NREP: variants seen among roughly 807,000 people sequenced by gnomAD.
The protein encoded by NREP is neuronal regeneration-related protein.
In NREP, 5 loss-of-function variants were observed where a neutral mutation model predicts 8.6. The observed-to-expected ratio is 0.58, with a 90% CI of 0.30 to 1.22. The LOEUF (loss-of-function observed/expected upper bound fraction) is 1.22. NREP is among the 50% of genes most tolerant of loss of function. The probability of loss-of-function intolerance (pLI) is 0.07; values close to 1 mark genes in which losing one functional copy is unlikely to be tolerated. For missense variants in NREP, 86 were observed against 82.5 expected (o/e 1.04, Z -0.17); for synonymous variants, 27 against 28.0 (o/e 0.96, Z 0.11).
intron 2 of NREP, among the ~76,000 whole-genome samples, chr5:111,970,448 T>C (rs1426813876): frequency 6.6e-6 from 1 of 152,178 alleles, no homozygotes; most frequent in Admixed American, 6.5e-5. Flanking sequence ...CTCAAGCTCC[T>C]AAGGACTTCC....
At chr5:111,911,498 C>T (rs912415219) in intron 2 of NREP, among the ~76,000 whole-genome samples, 1 of 151,972 alleles carries the variant, frequency 6.6e-6, no homozygotes, top group Non-Finnish European at 1.5e-5. Context: ...ATTGAGTAAG[C>T]ACATACTAAG....
chr5:111,872,831 G>C (rs1753820210), intron 2 of NREP, among the ~76,000 whole-genome samples: 1 of 152,130 alleles, frequency 6.6e-6, no homozygotes. Flanking sequence ...GAAGTAGTTA[G>C]CCCTAACACT....
chr5:111,903,112 C>A (rs1379359726), intron 2 of NREP, among the ~76,000 whole-genome samples: 1 of 123,292 alleles, frequency 8.1e-6, no homozygotes, highest in African/African-American at 3.2e-5. Flanking sequence ...GAGACAGAGT[C>A]TCACTCTGTA....
chr5:111,757,982 CG>C (rs1228245421), upstream of NREP: 69 of 985,448 alleles, frequency 7.0e-5, no homozygotes, highest in Non-Finnish European at 8.3e-5. Flanking sequence ...AGGACGGCGA[CG>C]GGCGGCAGCC....
chr5:111,866,522 A>C (rs902739833), intron 2 of NREP, among the ~76,000 whole-genome samples: 1 of 152,196 alleles, frequency 6.6e-6, no homozygotes, highest in African/African-American at 2.4e-5. Context: ...GATGTGGAGA[A>C]AGAGGAACAC....
chr5:111,748,602 G>T (rs1750158902), intron 2 of NREP, among the ~76,000 whole-genome samples: 1 of 152,194 alleles, frequency 6.6e-6, no homozygotes, highest in African/African-American at 2.4e-5. Context: ...AAATGTCAGT[G>T]AAGGTTAGAG....
intron 2 of NREP, among the ~76,000 whole-genome samples, chr5:111,748,499 T>C (rs1750149776): frequency 6.6e-6 from 1 of 152,166 alleles, no homozygotes; most frequent in Non-Finnish European, 1.5e-5. Context: ...CAGACAGTTG[T>C]TGATCACTGA....
chr5:111,881,737 C>G (rs1048020564), intron 2 of NREP, among the ~76,000 whole-genome samples: 1 of 152,158 alleles, frequency 6.6e-6, no homozygotes, highest in African/African-American at 2.4e-5. Flanking sequence ...GAGTGGACCT[C>G]TAGCAAACTC....
At chr5:111,797,819 G>A (rs76976722) in intron 2 of NREP, among the ~76,000 whole-genome samples, 1,569 of 152,240 alleles carry the variant, frequency 0.01, 21 homozygotes, top group African/African-American at 0.033. Flanking sequence ...CTCAGAAAAG[G>A]GGAAGTAATA....
chr5:111,944,391 T>G (rs541934656), intron 2 of NREP, among the ~76,000 whole-genome samples: 2 of 152,222 alleles, frequency 1.3e-5, no homozygotes, highest in South Asian at 4.1e-4. Context: ...TACTGCAGCC[T>G]CAACCTCCTG....
chr5:111,842,611 A>G (rs985861745), intron 2 of NREP, among the ~76,000 whole-genome samples: 6 of 152,184 alleles, frequency 3.9e-5, no homozygotes, highest in African/African-American at 9.7e-5. Context: ...TATAAAGGTA[A>G]TGTGTATACT....
Position 111,787,411 on chromosome 5 carries a change from T to C in NREP, c.136-51904A>G, listed in dbSNP as rs77015520. On this transcript the variant is annotated intron_variant, in intron 2 of 3. Transcript: ENST00000395634. ...TATTGTTCTTTTGCTCCAGGCTTTG[T>C]GGGTTGCGAAGAAAACTACAGTAAA... is the stretch of plus-strand genomic sequence containing the variant. 7.8e-3 allele frequency among the ~76,000 whole-genome samples: 1,195 copies of C among 152,332 alleles called. 20 individuals carry two copies. Among genetic ancestry groups the C allele is most frequent in the African/African-American group, 0.028 (1,149 of 41,584 alleles).
chr5:111,932,110 CTTT>C (rs1173274202), intron 2 of NREP, among the ~76,000 whole-genome samples: 6 of 113,914 alleles, frequency 5.3e-5, no homozygotes, highest in African/African-American at 7.1e-5. Context: ...ACCGTGGAGA[CTTT>C]TTGCAAAAAA....
chr5:111,772,844 C>T (rs965221852), intron 2 of NREP, among the ~76,000 whole-genome samples: 4 of 152,086 alleles, frequency 2.6e-5, no homozygotes, highest in Non-Finnish European at 4.4e-5. Flanking sequence ...TTAATATAAA[C>T]GATGCTGTGT....
intron 2 of NREP, among the ~76,000 whole-genome samples, chr5:111,845,388 T>C (rs1228750134): frequency 6.6e-6 from 1 of 152,132 alleles, no homozygotes; most frequent in Non-Finnish European, 1.5e-5. Flanking sequence ...TTGATGTTTC[T>C]GTGAGGGGAT....
intron 2 of NREP, among the ~76,000 whole-genome samples, chr5:111,852,591 G>A (rs770012294): frequency 3.9e-5 from 6 of 152,102 alleles, no homozygotes; most frequent in Admixed American, 6.6e-5. Flanking sequence ...ATTTAAAGCC[G>A]GGAGTCCTGG....
At chr5:111,773,044 A>C (rs1751273341) in intron 2 of NREP, among the ~76,000 whole-genome samples, 1 of 152,198 alleles carries the variant, frequency 6.6e-6, no homozygotes, top group Non-Finnish European at 1.5e-5. Flanking sequence ...ACTTGTTCAT[A>C]CATCATCTAT....
Position 111,747,296 on chromosome 5 carries a change from T to C in NREP, c.3+8474A>G, listed in dbSNP as rs1750069516. 2.6e-5 allele frequency among the ~76,000 whole-genome samples: 4 copies of C among 152,298 alleles called. No individual in the cohort carries two copies. In the South Asian group the frequency reaches 8.3e-4, roughly 32 times the overall value. On this transcript the variant is annotated intron_variant, in intron 2 of 3. Transcript: ENST00000257435. The stretch of plus-strand genomic sequence containing the variant: ...CTCTTTCCTGTCCAAGAATAAGTTA[T>C]ATATCAGACACCAACTTTATCCAAT...
intron 2 of NREP, among the ~76,000 whole-genome samples, chr5:111,816,392 TA>T (rs1752386142): frequency 6.6e-6 from 1 of 152,144 alleles, no homozygotes; most frequent in Non-Finnish European, 1.5e-5. Flanking sequence ...CAATGATTAA[TA>T]ATGTCTTGTG....
Sources: allele counts gnomAD v4.1 joint callset (sites outside exome capture counted in the v4.1 genomes callset), GRCh38; gene constraint gnomAD v4.1.1; transcripts MANE v1.5; gene names NCBI Gene and HGNC (gene_info 2026-07-23, HGNC 2026-07-21).